Variants in SPOCK1 observed in about 807,000 individuals in gnomAD.
SPOCK1 encodes the protein testican-1.
SPOCK1 carries 23 observed loss-of-function variants against 55.3 expected under a neutral mutation model. The observed-to-expected ratio is 0.42, with a 90% CI of 0.30 to 0.59. The LOEUF (loss-of-function observed/expected upper bound fraction) is 0.59. Ranked by LOEUF, SPOCK1 falls within the 20% of genes least tolerant of loss-of-function variation. SPOCK1 has a pLI of 0.22. For missense variants in SPOCK1, 499 were observed against 552.5 expected (o/e 0.90, Z 0.97); for synonymous variants, 226 against 221.0 (o/e 1.02, Z -0.20).
At chr5:137,242,608 T>C (rs567012838) in intron 3 of SPOCK1, among the ~76,000 whole-genome samples, 1 of 152,280 alleles carries the variant, frequency 6.6e-6, no homozygotes, top group Non-Finnish European at 1.5e-5. Context: ...CATGGTGATG[T>C]ACGCCTGTAG....
At chr5:137,162,593 C>T (rs7447750) in intron 3 of SPOCK1, among the ~76,000 whole-genome samples, 67,830 of 151,918 alleles carry the variant, frequency 0.45, 15,710 homozygotes, top group East Asian at 0.75. Flanking sequence ...CTACTGGTAT[C>T]TAGTGGGTTG....
At position 137,408,980 on chromosome 5, in the gene SPOCK1, G is replaced by A. The variant is rs147402522; in HGVS notation, c.186+89393C>T. Among the ~76,000 whole-genome samples, 72 of 152,196 alleles carry A rather than the reference G, an allele frequency of 4.7e-4. 1 individual carries two copies. The East Asian group carries it at 9.1e-3, about 19-fold the overall frequency. Reference sequence around the variant, plus strand: ...GCCTAGTGCTCAATTTATGTTTCACGAAGGTCAGTCCCATCTCCCTCCCAA... The same window carrying A: ...GCCTAGTGCTCAATTTATGTTTCACAAAGGTCAGTCCCATCTCCCTCCCAA... On this transcript the variant is annotated intron_variant, in intron 2 of 10. Coordinates refer to ENST00000394945, the MANE Select transcript of SPOCK1 (RefSeq NM_004598.4).
At chr5:137,110,695 G>T (rs1753451031) in intron 5 of SPOCK1, among the ~76,000 whole-genome samples, 1 of 152,194 alleles carries the variant, frequency 6.6e-6, no homozygotes, top group Non-Finnish European at 1.5e-5. Flanking sequence ...CTTGGACAAA[G>T]AATTTCTAAC....
intron 4 of SPOCK1, among the ~76,000 whole-genome samples, chr5:137,131,747 C>T (rs1286707915): frequency 1.3e-5 from 2 of 151,444 alleles, no homozygotes; most frequent in Non-Finnish European, 1.5e-5. Context: ...CCAAGATGGG[C>T]GGATCACGAG....
chr5:137,377,770 C>T (rs966997146), intron 2 of SPOCK1, among the ~76,000 whole-genome samples: 6 of 152,008 alleles, frequency 3.9e-5, no homozygotes, highest in Admixed American at 6.5e-5. Context: ...AGAAGAAACC[C>T]CTTGACATTC....
intron 2 of SPOCK1, among the ~76,000 whole-genome samples, chr5:137,431,438 G>C (rs75200278): frequency 6.6e-6 from 1 of 152,160 alleles, no homozygotes; most frequent in Admixed American, 6.5e-5. Flanking sequence ...TTTTTCACAG[G>C]CTTGCTGTTA....
intron 2 of SPOCK1, among the ~76,000 whole-genome samples, chr5:137,420,374 C>G (rs997111528): frequency 6.6e-6 from 1 of 152,170 alleles, no homozygotes; most frequent in Non-Finnish European, 1.5e-5. Context: ...AGGAATGGTA[C>G]CAGCTCCTCC....
chr5:137,011,894 G>A (rs1237562323), intron 6 of SPOCK1, among the ~76,000 whole-genome samples: 1 of 152,186 alleles, frequency 6.6e-6, no homozygotes, highest in East Asian at 1.9e-4. Context: ...TGGCACCAGT[G>A]CAGTTCAACT....
At chr5:137,474,106 G>A (rs1017977765) in intron 2 of SPOCK1, among the ~76,000 whole-genome samples, 1 of 152,086 alleles carries the variant, frequency 6.6e-6, no homozygotes, top group Non-Finnish European at 1.5e-5. Context: ...AGTGGGAGGG[G>A]AGCGAGGGAT....
At chr5:137,030,051 T>A (rs1751748744) in intron 6 of SPOCK1, among the ~76,000 whole-genome samples, 1 of 152,252 alleles carries the variant, frequency 6.6e-6, no homozygotes, top group South Asian at 2.1e-4. Context: ...CCTCTTGGAC[T>A]ACTGTTCAAA....
At chr5:137,073,032 G>C in intron 5 of SPOCK1, among the ~76,000 whole-genome samples, 1 of 152,320 alleles carries the variant, frequency 6.6e-6, no homozygotes, top group East Asian at 1.9e-4. Flanking sequence ...TCTGCACAGA[G>C]CTTGAGTGGC....
intron 10 of SPOCK1, 28 bp downstream of exon 10, chr5:136,979,304 T>C (rs1750677957): frequency 6.2e-7 from 1 of 1,613,456 alleles, no homozygotes; most frequent in South Asian, 1.1e-5. Flanking sequence ...CAGGTCATTG[T>C]GGGGCTCATG....
chr5:137,469,226 G>T (rs991010344), intron 2 of SPOCK1, among the ~76,000 whole-genome samples: 1 of 152,192 alleles, frequency 6.6e-6, no homozygotes, highest in African/African-American at 2.4e-5. Flanking sequence ...TGATACAAAG[G>T]ATGTTAGGAT....
At chr5:137,466,858 G>A (rs6596384) in intron 2 of SPOCK1, among the ~76,000 whole-genome samples, 43,295 of 152,158 alleles carry the variant, frequency 0.28, 6,150 homozygotes, top group Middle Eastern at 0.38. Context: ...CAGATTCTCT[G>A]GGTCGGGAAT....
chr5:137,463,487 G>A (rs888078463), intron 2 of SPOCK1, among the ~76,000 whole-genome samples: 5 of 141,838 alleles, frequency 3.5e-5, no homozygotes, highest in Non-Finnish European at 7.6e-5. Flanking sequence ...AATGGAGATA[G>A]AGAGTCGAAA....
intron 6 of SPOCK1, among the ~76,000 whole-genome samples, chr5:137,033,945 T>A (rs969322921): frequency 2.0e-5 from 3 of 152,210 alleles, no homozygotes; most frequent in African/African-American, 7.2e-5. Flanking sequence ...AATCACACAC[T>A]GTGTTTTATA....
chr5:137,044,243 A>G (rs1752060313), intron 6 of SPOCK1, among the ~76,000 whole-genome samples: 1 of 152,194 alleles, frequency 6.6e-6, no homozygotes, highest in South Asian at 2.1e-4. Flanking sequence ...TCTTAGAAGG[A>G]TGGTGTGTGC....
intron 6 of SPOCK1, among the ~76,000 whole-genome samples, chr5:137,041,336 A>T (rs1414404958): frequency 1.3e-5 from 2 of 152,226 alleles, no homozygotes; most frequent in Non-Finnish European, 2.9e-5. Flanking sequence ...CTCAAAATGG[A>T]TGATAGGTCT....
intron 2 of SPOCK1, among the ~76,000 whole-genome samples, chr5:137,402,928 C>T (rs932423241): frequency 6.6e-6 from 1 of 152,170 alleles, no homozygotes; most frequent in African/African-American, 2.4e-5. Flanking sequence ...TGATGGCTTA[C>T]AGAGTTGTGA....
Sources: gnomAD v4.1 joint callset for allele counts (sites outside exome capture counted in the v4.1 genomes callset) on GRCh38, gnomAD v4.1.1 for gene constraint, MANE v1.5 for transcripts, NCBI Gene and HGNC (gene_info 2026-07-23, HGNC 2026-07-21) for gene names.